Variants in NAV3 observed in about 807,000 individuals in gnomAD.
The protein encoded by NAV3 is neuron navigator 3.
Under a neutral mutation model 244.7 loss-of-function variants are expected in NAV3, and 87 were observed. The ratio of observed to expected loss-of-function variants is 0.36; its 90% CI spans 0.30 to 0.42. NAV3 has a LOEUF of 0.42. NAV3 is among the 20% of genes least tolerant of loss of function. NAV3 has a pLI of 1.00. For missense variants in NAV3, 2,663 were observed against 2,893.3 expected (o/e 0.92, Z 1.83); for synonymous variants, 1,126 against 1,042.2 (o/e 1.08, Z -1.55).
intron 2 of NAV3, among the ~76,000 whole-genome samples, chr12:77,645,411 A>G (rs1872567980): frequency 6.9e-6 from 1 of 145,876 alleles, no homozygotes; most frequent in African/African-American, 2.7e-5. Flanking sequence ...CTTCAAAGAC[A>G]GTGTAAGAGG....
At chr12:77,644,419 A>G (rs1872538094) in intron 2 of NAV3, among the ~76,000 whole-genome samples, 1 of 152,094 alleles carries the variant, frequency 6.6e-6, no homozygotes, top group African/African-American at 2.4e-5. Context: ...GGTAAAAATC[A>G]TATCCAGAGG....
intron 1 of NAV3, among the ~76,000 whole-genome samples, chr12:77,871,182 A>G (rs867602293): frequency 1.3e-5 from 2 of 152,208 alleles, no homozygotes; most frequent in African/African-American, 4.8e-5. Context: ...ATACATTCCA[A>G]TAGAGATCTA....
At chr12:78,202,440 C>T (rs1054973407) in intron 38 of NAV3, among the ~76,000 whole-genome samples, 2 of 151,982 alleles carry the variant, frequency 1.3e-5, no homozygotes, top group Admixed American at 6.6e-5. Flanking sequence ...AAATGCTTAG[C>T]ATCCTTAGGT....
At chr12:78,074,995 CA>C (rs1952971715) in intron 12 of NAV3, among the ~76,000 whole-genome samples, 1 of 152,152 alleles carries the variant, frequency 6.6e-6, no homozygotes, top group African/African-American at 2.4e-5. Context: ...GGACACACTG[CA>C]CAGTTGAGGG....
rs2138624719 is a variant in NAV3, at chr12:78,119,662, A to G, written c.3466A>G (p.Arg1156Gly). 6.2e-7 allele frequency: 1 copy of G among 1,614,206 alleles called. No homozygotes were observed. The highest frequency in any genetic ancestry group is 8.5e-7 in the Non-Finnish European group (1 of 1,180,032). ...TSGIPGRGGHRSSTSSIDSNV... is the reference protein window; with the variant it reads ...TSGIPGRGGHGSSTSSIDSNV... ...TGGCATTCCTGGCCGAGGAGGCCAC[A>G]GATCCAGTACCAGCAGTATTGATTC... Residue 1156 changes from arginine to glycine, a missense_variant, in exon 15 of 40, where the codon AGA (arginine) becomes GGA (glycine). This residue lies in a region of NAV3 where 1,521 missense variants were observed against 1,497.0 expected (regional missense o/e 1.02). Transcript: ENST00000397909.
intron 2 of NAV3, among the ~76,000 whole-genome samples, chr12:77,715,114 G>T (rs906393849): frequency 4.6e-5 from 7 of 151,884 alleles, no homozygotes; most frequent in Non-Finnish European, 8.8e-5. Flanking sequence ...ATAATACTTT[G>T]TGTCCATATA....
At chr12:77,667,077 G>A (rs970781391) in intron 2 of NAV3, among the ~76,000 whole-genome samples, 1 of 152,140 alleles carries the variant, frequency 6.6e-6, no homozygotes, top group Non-Finnish European at 1.5e-5. Flanking sequence ...TATGCAGAAC[G>A]TAAAGTCTGA....
At chr12:77,990,611 G>C (rs961173624) in intron 5 of NAV3, among the ~76,000 whole-genome samples, 1 of 152,160 alleles carries the variant, frequency 6.6e-6, no homozygotes, top group Non-Finnish European at 1.5e-5. Flanking sequence ...ATTTAGGCCA[G>C]TTTCAACAAT....
At chr12:78,043,221 G>C (rs952039762) in intron 9 of NAV3, among the ~76,000 whole-genome samples, 3 of 152,148 alleles carry the variant, frequency 2.0e-5, no homozygotes, top group South Asian at 2.1e-4. Flanking sequence ...TGCAGAGAAT[G>C]GTTTCTAGTT....
chr12:78,078,048 G>A lies in NAV3; in HGVS notation c.2636+18933G>A, dbSNP rs79161260. On this transcript the variant is annotated intron_variant, in intron 12 of 39. Transcript: ENST00000397909. Reference sequence around the variant, plus strand: ...TTGAGGGCCACGAGTGAGGGATCCTGTCTCCTTGTCTTGTAGTTAGCTTCT... The same window carrying A: ...TTGAGGGCCACGAGTGAGGGATCCTATCTCCTTGTCTTGTAGTTAGCTTCT... Among the ~76,000 whole-genome samples the A allele has an allele frequency of 2.2e-3, 252 of 113,214 alleles. 4 individuals are homozygous for A. In the East Asian group the frequency reaches 0.06, roughly 27 times the overall value. 74.3% of individuals were successfully genotyped at this position (113,214 alleles called of 152,430 possible). A position where few individuals can be genotyped will look rare whatever the true frequency, so the allele number is the denominator to read the frequency against.
chr12:77,708,796 T>C (rs1298981847), intron 2 of NAV3, among the ~76,000 whole-genome samples: 1 of 152,072 alleles, frequency 6.6e-6, no homozygotes. Flanking sequence ...AGTTGGATTC[T>C]TAGGTATTTT....
intron 1 of NAV3, among the ~76,000 whole-genome samples, chr12:77,836,341 C>A (rs968388452): frequency 3.3e-5 from 5 of 152,278 alleles, no homozygotes; most frequent in African/African-American, 1.2e-4. Context: ...TGCCACCTTT[C>A]TTTTACTCCT....
chr12:77,823,071 A>G (rs938070927), intron 2 of NAV3, among the ~76,000 whole-genome samples: 6 of 152,208 alleles, frequency 3.9e-5, no homozygotes, highest in African/African-American at 1.2e-4. Context: ...AAAGAAGGGT[A>G]ATCAAAGGGG....
At chr12:77,723,755 C>CTTTTTT (rs34518266) in intron 2 of NAV3, among the ~76,000 whole-genome samples, 683 of 67,620 alleles carry the variant, frequency 0.01, 96 homozygotes, top group Middle Eastern at 0.021. Flanking sequence ...GCAATCTTGA[C>CTTTTTT]TTTTTTTTTT....
At chr12:78,023,825 C>T (rs1399043168) in intron 9 of NAV3, among the ~76,000 whole-genome samples, 1 of 152,158 alleles carries the variant, frequency 6.6e-6, no homozygotes, top group Non-Finnish European at 1.5e-5. Context: ...CTATTACTCT[C>T]TTACCATTTC....
chr12:77,692,353 AAC>A (rs974710544), intron 2 of NAV3, among the ~76,000 whole-genome samples: 3 of 152,070 alleles, frequency 2.0e-5, no homozygotes, highest in Admixed American at 6.6e-5. Context: ...CCAGGACCCA[AAC>A]ACCTTGGGTC....
In NAV3 at chr12:77,578,307, A is replaced by G. The variant is rs148763442; in HGVS notation, c.72+6041A>G. On this transcript the variant is annotated intron_variant, in intron 2 of 8. Transcript: ENST00000550042. ...AGATCCCCCGGTGACTCTAATGCAC[A>G]GCAATATTTGAGAACCCTTGCCCTA... Among the ~76,000 whole-genome samples, 728 of 152,288 alleles carry G rather than the reference A, an allele frequency of 4.8e-3. 3 individuals carry two copies. Among genetic ancestry groups the G allele is most frequent in the Middle Eastern group, 0.017 (5 of 294 alleles).
chr12:78,157,908 TTC>T (rs1419704186), intron 22 of NAV3, among the ~76,000 whole-genome samples: 1 of 152,104 alleles, frequency 6.6e-6, no homozygotes, highest in Non-Finnish European at 1.5e-5. Context: ...CAAATTGTTT[TTC>T]TCCATATTGC....
chr12:77,929,981 T>A (rs1888625182), intron 1 of NAV3, among the ~76,000 whole-genome samples: 1 of 152,026 alleles, frequency 6.6e-6, no homozygotes, highest in Non-Finnish European at 1.5e-5. Context: ...ATGATTTTCA[T>A]TGTTATTAGA....
Sources: allele counts gnomAD v4.1 joint callset (sites outside exome capture counted in the v4.1 genomes callset), GRCh38; gene constraint gnomAD v4.1.1; regional missense constraint gnomAD v4.1.1; transcripts MANE v1.5; gene names NCBI Gene and HGNC (gene_info 2026-07-23, HGNC 2026-07-21).